B3GAT2: variants seen among roughly 807,000 people sequenced by gnomAD.
B3GAT2 encodes the protein beta-1,3-glucuronyltransferase 2, also known as galactosylgalactosylxylosylprotein 3-beta-glucuronosyltransferase 2.
In B3GAT2, 26 loss-of-function variants were observed where a neutral mutation model predicts 27.8. The observed-to-expected ratio is 0.93, with a 90% CI of 0.68 to 1.30. The LOEUF (loss-of-function observed/expected upper bound fraction) is 1.30. B3GAT2 is among the 50% of genes most tolerant of loss of function. B3GAT2 has a pLI of 0.00. For missense variants in B3GAT2, 458 were observed against 459.0 expected, an observed-to-expected ratio of 1.00 and a Z score of 0.02; for synonymous variants, 218 against 195.1, an observed-to-expected ratio of 1.12 and a Z score of -0.98.
At chr6:70,940,510 G>A (rs956004917) in intron 1 of B3GAT2, among the ~76,000 whole-genome samples, 11 of 151,884 alleles carry the variant, frequency 7.2e-5, no homozygotes, top group African/African-American at 2.4e-4. Context: ...AATCTATTTC[G>A]TGCCCTCTCC....
In B3GAT2 at chr6:70,857,926, A is replaced by G; in HGVS notation, c.*3737T>C. 1 of 1,613,826 alleles carries G rather than the reference A, an allele frequency of 6.2e-7. No individual in the cohort carries two copies. Among genetic ancestry groups the G allele is most frequent in the African/African-American group, 1.3e-5 (1 of 75,022 alleles). On this transcript the variant is annotated 3_prime_UTR_variant, in exon 4 of 4. Coordinates refer to ENST00000230053, the MANE Select transcript of B3GAT2 (RefSeq NM_080742.3). ...CATTTTCTTTTTGTGGTGCAGGTGTATTTATGGGACCCACAAATATACCAT... is the reference window on the plus strand; with the variant it reads ...CATTTTCTTTTTGTGGTGCAGGTGTGTTTATGGGACCCACAAATATACCAT...
chr6:70,915,360 A>G lies in B3GAT2; in HGVS notation c.592-21088T>C, dbSNP rs181445973. On this transcript the variant is annotated intron_variant, in intron 1 of 3. Transcript: ENST00000230053. The stretch of plus-strand genomic sequence containing the variant: ...TTTTCTCCCATTCTGTAGGTTGCCT[A>G]TTCACTCTGATGGTAGTTTATTTTG... Among the ~76,000 whole-genome samples the G allele has an allele frequency of 5.3e-5, 8 of 151,984 alleles. No individual in the cohort carries two copies. The East Asian group carries it at 7.7e-4, about 15-fold the overall frequency.
intron 2 of B3GAT2, among the ~76,000 whole-genome samples, chr6:70,892,482 T>C (rs1389975484): frequency 6.6e-6 from 1 of 152,184 alleles, no homozygotes; most frequent in Non-Finnish European, 1.5e-5. Flanking sequence ...AGGAGATATG[T>C]CTGGGAAGTC....
chr6:70,947,351 G>T (rs554754783), intron 1 of B3GAT2, among the ~76,000 whole-genome samples: 1 of 151,876 alleles, frequency 6.6e-6, no homozygotes, highest in Admixed American at 6.6e-5. Flanking sequence ...TAATAAAGAA[G>T]AAAAGAGAGA....
At chr6:70,882,662 C>T (rs1772117377) in intron 2 of B3GAT2, among the ~76,000 whole-genome samples, 1 of 151,796 alleles carries the variant, frequency 6.6e-6, no homozygotes, top group Admixed American at 6.6e-5. Context: ...GGATTAATAC[C>T]CAAAATATAA....
intron 2 of B3GAT2, among the ~76,000 whole-genome samples, chr6:70,867,242 C>T (rs1427506122): frequency 1.3e-5 from 2 of 151,868 alleles, no homozygotes; most frequent in East Asian, 3.9e-4. Context: ...ATTCAATAAC[C>T]TAAGCTCCTA....
At chr6:70,918,407 A>T (rs1232878244) in intron 1 of B3GAT2, among the ~76,000 whole-genome samples, 2 of 152,118 alleles carry the variant, frequency 1.3e-5, no homozygotes, top group Non-Finnish European at 2.9e-5. Flanking sequence ...GAAGGTTAAT[A>T]TTGTTATGTG....
intron 2 of B3GAT2, among the ~76,000 whole-genome samples, chr6:70,884,105 A>C (rs1432779256): frequency 2.1e-5 from 3 of 144,290 alleles, no homozygotes; most frequent in Non-Finnish European, 4.6e-5. Context: ...CAAAAAAAAA[A>C]AAAAAAAACA....
rs1468904390 is a variant in B3GAT2, at chr6:70,859,534, C to T, written c.*2129G>A. 1.6e-6 allele frequency: 1 copy of T among 644,262 alleles called. No homozygotes were observed. The highest frequency in any genetic ancestry group is 2.5e-6 in the Non-Finnish European group (1 of 393,120). The allele number at this position is 644,262 out of a possible 1,614,324, so 39.9% of individuals were successfully genotyped here. On this transcript the variant is annotated 3_prime_UTR_variant, in exon 4 of 4. Transcript: ENST00000230053. Reference sequence around the variant, plus strand: ...AAATGTATTAAATTAAGAACACAGTCTAACTCTGAGTGTAAGTTTTAAACC... The same window carrying T: ...AAATGTATTAAATTAAGAACACAGTTTAACTCTGAGTGTAAGTTTTAAACC...
intron 2 of B3GAT2, among the ~76,000 whole-genome samples, chr6:70,888,359 C>T (rs9784867): frequency 0.031 from 4,780 of 152,126 alleles, 124 homozygotes; most frequent in African/African-American, 0.068. Flanking sequence ...ATACAAATTA[C>T]ACCAATTAAA....
chr6:70,915,162 A>G (rs1772751028), intron 1 of B3GAT2, among the ~76,000 whole-genome samples: 1 of 152,092 alleles, frequency 6.6e-6, no homozygotes, highest in African/African-American at 2.4e-5. Context: ...ACCAGTGATG[A>G]TGGACATTTT....
chr6:70,907,069 G>A (rs1282501972), intron 1 of B3GAT2, among the ~76,000 whole-genome samples: 1 of 152,142 alleles, frequency 6.6e-6, no homozygotes, highest in African/African-American at 2.4e-5. Flanking sequence ...GATACTGTTC[G>A]TTGCCTACTC....
chr6:70,859,473 ATGTTAG>A lies in B3GAT2; in HGVS notation c.*2184_*2189del. ...TTATGCCTGATTAGTGATGTAGTTT[ATGTTAG>A]TGTCTTTGAAACTGTAAATAAGTCA... On this transcript the variant is annotated 3_prime_UTR_variant, in exon 4 of 4. Coordinates refer to ENST00000230053, the MANE Select transcript of B3GAT2 (RefSeq NM_080742.3). The A allele has an allele frequency of 8.9e-7, 1 of 1,120,310 alleles. No homozygotes were observed. The highest frequency in any genetic ancestry group is 1.3e-6 in the Non-Finnish European group (1 of 780,938). The allele number at this position is 1,120,310 out of a possible 1,614,324, so 69.4% of individuals were successfully genotyped here.
intron 1 of B3GAT2, among the ~76,000 whole-genome samples, chr6:70,929,490 C>CTT (rs1219419673): frequency 1.3e-5 from 2 of 152,174 alleles, no homozygotes; most frequent in Non-Finnish European, 2.9e-5. Context: ...TGATAAGCAA[C>CTT]TTCAGCAAAG....
intron 2 of B3GAT2, among the ~76,000 whole-genome samples, chr6:70,881,622 G>A (rs1275335542): frequency 1.3e-5 from 2 of 152,120 alleles, no homozygotes; most frequent in East Asian, 3.9e-4. Flanking sequence ...ATGTTAATGG[G>A]AGGAAACTGC....
rs188674638 is a variant in B3GAT2 at position 70,876,444 on chromosome 6, A to T, written c.737-14466T>A. Among the ~76,000 whole-genome samples, 8 of 152,248 alleles carry T rather than the reference A, an allele frequency of 5.3e-5. No individual in the cohort carries two copies. The East Asian group carries it at 1.5e-3, about 29-fold the overall frequency. On this transcript the variant is annotated intron_variant, in intron 2 of 3. Coordinates refer to ENST00000230053, the MANE Select transcript of B3GAT2 (RefSeq NM_080742.3). ...TTGTAACTTGGAGGGCTTGAATTCA[A>T]ATCCTTACTCTGCCATCTACTATTA...
chr6:70,951,810 A>C (rs1027155125), intron 1 of B3GAT2, among the ~76,000 whole-genome samples: 1 of 152,168 alleles, frequency 6.6e-6, no homozygotes, highest in African/African-American at 2.4e-5. Flanking sequence ...ATGACTCTTA[A>C]TAGCTTTCAG....
intron 1 of B3GAT2, among the ~76,000 whole-genome samples, chr6:70,940,842 C>T (rs1433218023): frequency 1.3e-5 from 2 of 152,116 alleles, no homozygotes; most frequent in East Asian, 1.9e-4. Context: ...GCAGGGGAAT[C>T]GCTTCAATCC....
chr6:70,897,304 T>C (rs1234779956), intron 1 of B3GAT2, among the ~76,000 whole-genome samples: 2 of 152,262 alleles, frequency 1.3e-5, no homozygotes, highest in African/African-American at 4.8e-5. Flanking sequence ...TTATATGATG[T>C]ATAAATATTT....
Sources: gnomAD v4.1 joint callset for allele counts (sites outside exome capture counted in the v4.1 genomes callset) on GRCh38, gnomAD v4.1.1 for gene constraint, MANE v1.5 for transcripts, NCBI Gene and HGNC (gene_info 2026-07-23, HGNC 2026-07-21) for gene names.